The following MSI2 variants were observed in gnomAD, a reference collection of about 807,000 sequenced individuals.
The protein encoded by MSI2 is musashi RNA binding protein 2.
In MSI2, 17 loss-of-function variants were observed where a neutral mutation model predicts 45.6. That is an observed-to-expected ratio of 0.37 (90% CI 0.26 to 0.56). The LOEUF (loss-of-function observed/expected upper bound fraction) is 0.56, where lower values mean the gene tolerates loss of function less well. Among genes scored for constraint, MSI2 ranks in the 20% least tolerant of loss-of-function variants. The pLI is 0.77. For missense variants in MSI2, 293 were observed against 444.2 expected (o/e 0.66, Z 3.06); for synonymous variants, 156 against 158.2 (o/e 0.99, Z 0.11).
intron 7 of MSI2, among the ~76,000 whole-genome samples, chr17:57,557,417 C>G (rs1405962183): frequency 6.6e-6 from 1 of 152,238 alleles, no homozygotes. Flanking sequence ...GGGCCAAAGC[C>G]CCCTTTCCCG....
intron 5 of MSI2, among the ~76,000 whole-genome samples, chr17:57,270,317 C>G (rs982003691): frequency 1.8e-4 from 27 of 152,162 alleles, no homozygotes; most frequent in Non-Finnish European, 7.4e-5. Context: ...GGGCAGACAG[C>G]TTTCTAGAAC....
chr17:57,283,011 G>T (rs550884419), intron 5 of MSI2, among the ~76,000 whole-genome samples: 15 of 151,952 alleles, frequency 9.9e-5, no homozygotes, highest in Non-Finnish European at 1.8e-4. Context: ...AACTGCAAAC[G>T]GCTGTGACGA....
chr17:57,479,074 A>G (rs1374439386), intron 6 of MSI2, among the ~76,000 whole-genome samples: 1 of 152,234 alleles, frequency 6.6e-6, no homozygotes, highest in East Asian at 1.9e-4. Flanking sequence ...CAGATAAGGA[A>G]CAGGACTAGA....
chr17:57,581,097 C>T (rs763799303), intron 7 of MSI2, among the ~76,000 whole-genome samples: 3 of 146,566 alleles, frequency 2.0e-5, no homozygotes, highest in East Asian at 2.1e-4. Flanking sequence ...ACTGCAACCT[C>T]CACCTCCCAG....
chr17:57,439,249 A>T (rs1164047484), intron 6 of MSI2, among the ~76,000 whole-genome samples: 1 of 152,164 alleles, frequency 6.6e-6, no homozygotes, highest in Non-Finnish European at 1.5e-5. Context: ...GATCAAGCCT[A>T]TGTGATTCAT....
chr17:57,291,106 T>A (rs1279874423), intron 5 of MSI2, among the ~76,000 whole-genome samples: 1 of 152,184 alleles, frequency 6.6e-6, no homozygotes, highest in Non-Finnish European at 1.5e-5. Flanking sequence ...CATCCCATAC[T>A]CAATTCTGCC....
At chr17:57,385,878 C>G (rs1412332037) in intron 5 of MSI2, among the ~76,000 whole-genome samples, 1 of 152,138 alleles carries the variant, frequency 6.6e-6, no homozygotes, top group Non-Finnish European at 1.5e-5. Flanking sequence ...GCATACCATA[C>G]CATGGTGTGT....
intron 6 of MSI2, among the ~76,000 whole-genome samples, chr17:57,528,849 C>A (rs909999153): frequency 6.6e-6 from 1 of 152,124 alleles, no homozygotes; most frequent in Non-Finnish European, 1.5e-5. Flanking sequence ...GGGGTTAGGA[C>A]TTCAACTATG....
At chr17:57,279,869 T>G (rs1245653813) in intron 5 of MSI2, 1 of 152,170 alleles carries the variant, frequency 6.6e-6, no homozygotes, top group African/African-American at 2.4e-5. Flanking sequence ...CTGGTTGAAC[T>G]CCCGTGAGCT....
intron 6 of MSI2, among the ~76,000 whole-genome samples, chr17:57,470,332 C>T (rs528326552): frequency 7.0e-4 from 106 of 152,232 alleles, no homozygotes; most frequent in African/African-American, 2.5e-3. Flanking sequence ...GGCTGGAGTG[C>T]AATGGTGTGA....
At chr17:57,623,585 G>T (rs935371367) in intron 9 of MSI2, among the ~76,000 whole-genome samples, 5 of 152,190 alleles carry the variant, frequency 3.3e-5, no homozygotes, top group Non-Finnish European at 7.3e-5. Flanking sequence ...CAGAAGCCTT[G>T]ATTTTTTTTT....
chr17:57,691,344 C>T, the MSI2 span, among the ~76,000 whole-genome samples: 1 of 152,058 alleles, frequency 6.6e-6, no homozygotes, highest in South Asian at 2.1e-4. Context: ...GTTTTGGCTA[C>T]TCTAGTTCAT....
intron 5 of MSI2, chr17:57,286,000 C>T: frequency 6.5e-7 from 1 of 1,531,286 alleles, no homozygotes; most frequent in Non-Finnish European, 8.7e-7. Flanking sequence ...TATATTCCTG[C>T]AATCTGATGA....
intron 7 of MSI2, among the ~76,000 whole-genome samples, chr17:57,560,277 T>C (rs965849728): frequency 2.6e-5 from 4 of 152,160 alleles, no homozygotes; most frequent in Non-Finnish European, 5.9e-5. Flanking sequence ...TTAAAATATT[T>C]TCTGGGGTGG....
intron 8 of MSI2, among the ~76,000 whole-genome samples, chr17:57,602,895 T>C (rs1906063966): frequency 6.6e-6 from 1 of 152,168 alleles, no homozygotes; most frequent in Admixed American, 6.5e-5. Context: ...ATCTGCATGC[T>C]GACAAATCCC....
At chr17:57,402,951 T>G (rs1598221101) in intron 6 of MSI2, among the ~76,000 whole-genome samples, 1 of 152,218 alleles carries the variant, frequency 6.6e-6, no homozygotes, top group East Asian at 1.9e-4. Context: ...AAGGGGGATT[T>G]GTCCATCACC....
At chr17:57,409,688 G>A (rs898517664) in intron 6 of MSI2, among the ~76,000 whole-genome samples, 4 of 152,082 alleles carry the variant, frequency 2.6e-5, no homozygotes, top group Non-Finnish European at 5.9e-5. Context: ...TGATTACTTG[G>A]TACAAGTAGT....
At position 57,627,358 on chromosome 17, in the gene MSI2, C is replaced by T. The variant is rs372596810; in HGVS notation, c.727+55C>T. The T allele has an allele frequency of 2.4e-5, 37 of 1,513,006 alleles. No homozygotes were observed. The highest frequency in any genetic ancestry group is 3.4e-4 in the Middle Eastern group (2 of 5,874). The allele number at this position is 1,513,006 out of a possible 1,614,324, so 93.7% of individuals were successfully genotyped here. A position where few individuals can be genotyped will look rare whatever the true frequency, so the allele number is the denominator to read the frequency against. On this transcript the variant is annotated intron_variant, in intron 10 of 13. Transcript: ENST00000284073. The surrounding 1 kb of genome is among the most constrained non-coding windows in gnomAD (Gnocchi z 4.6). ...AAGCACAAGAGGTGGGCTGCATTTG[C>T]GGGGAGGTGAGAGGACCCCTAAAGA...
intron 8 of MSI2, among the ~76,000 whole-genome samples, chr17:57,614,049 A>T (rs904752298): frequency 2.9e-4 from 44 of 151,738 alleles, no homozygotes; most frequent in Admixed American, 1.3e-3. Context: ...TTTTCGTTTT[A>T]TTTATTTTTT....
Sources: gnomAD v4.1 joint callset for allele counts (sites outside exome capture counted in the v4.1 genomes callset) on GRCh38, gnomAD v4.1.1 for gene constraint, Gnocchi (gnomAD v3.1) non-coding constraint, MANE v1.5 for transcripts, NCBI Gene and HGNC (gene_info 2026-07-23, HGNC 2026-07-21) for gene names.